Variants in TOX observed in about 807,000 individuals in gnomAD.
TOX encodes the protein thymocyte selection-associated high mobility group box protein TOX.
A neutral mutation model predicts 53.7 loss-of-function variants in TOX; 11 were observed. That is an observed-to-expected ratio of 0.20 (90% CI 0.13 to 0.34). TOX has a LOEUF of 0.34. TOX is among the 10% of genes least tolerant of loss of function. The pLI, the probability that TOX is intolerant of heterozygous loss-of-function variation, is 1.00. For missense variants in TOX, 570 were observed against 664.6 expected (o/e 0.86, Z 1.56); for synonymous variants, 225 against 245.3 (o/e 0.92, Z 0.77).
chr8:59,020,550 C>T (rs2129419362), intron 1 of TOX, among the ~76,000 whole-genome samples: 1 of 152,266 alleles, frequency 6.6e-6, no homozygotes, highest in Admixed American at 6.5e-5. Context: ...TGTCAAAGTC[C>T]TAAAATGCCA....
At chr8:58,958,039 TA>T (rs1273970342) in intron 2 of TOX, among the ~76,000 whole-genome samples, 3 of 152,228 alleles carry the variant, frequency 2.0e-5, no homozygotes, top group African/African-American at 7.2e-5. Flanking sequence ...GTCTAAATTT[TA>T]AAACAGCACA....
intron 3 of TOX, among the ~76,000 whole-genome samples, chr8:58,901,558 A>G (rs1348709119): frequency 1.3e-5 from 2 of 152,150 alleles, no homozygotes; most frequent in African/African-American, 4.8e-5. Flanking sequence ...GTAATTGCAT[A>G]TTCCACTCAT....
chr8:58,812,229 G>T (rs780951950), intron 7 of TOX, among the ~76,000 whole-genome samples: 9 of 152,158 alleles, frequency 5.9e-5, no homozygotes, highest in Non-Finnish European at 1.3e-4. Context: ...ATGTGGAGGG[G>T]TGGTGGACTC....
intron 4 of TOX, among the ~76,000 whole-genome samples, chr8:58,839,085 A>G (rs1486064410): frequency 6.6e-6 from 1 of 152,168 alleles, no homozygotes; most frequent in Non-Finnish European, 1.5e-5. Flanking sequence ...CTTTGTCCCT[A>G]GATCTACGGA....
intron 1 of TOX, among the ~76,000 whole-genome samples, chr8:59,025,212 C>T (rs1008428308): frequency 6.6e-6 from 1 of 152,124 alleles, no homozygotes; most frequent in Non-Finnish European, 1.5e-5. Flanking sequence ...CTAAAGGTCC[C>T]TCTCAGGATG....
In TOX at chr8:58,807,293, A is replaced by T. The variant is rs1488353383; in HGVS notation, c.*454T>A. 1 of 153,208 alleles carries T rather than the reference A, an allele frequency of 6.5e-6. No homozygotes were observed. 9.5% of individuals were successfully genotyped at this position (153,208 alleles called of 1,614,324 possible). On this transcript the variant is annotated 3_prime_UTR_variant, in exon 9 of 9. Transcript: ENST00000361421. Reference sequence around the variant, plus strand: ...TCAATTACAATTTAGCTACAAAAACATTCACATTTTATACTCTAGGAGAGT... The same window carrying T: ...TCAATTACAATTTAGCTACAAAAACTTTCACATTTTATACTCTAGGAGAGT...
chr8:58,849,419 A>G (rs1204451120), intron 4 of TOX, among the ~76,000 whole-genome samples: 1 of 152,198 alleles, frequency 6.6e-6, no homozygotes, highest in Admixed American at 6.5e-5. Context: ...ATGAAGCGTT[A>G]TAAATTATTT....
At chr8:58,937,828 G>A (rs911522312) in intron 3 of TOX, among the ~76,000 whole-genome samples, 4 of 151,910 alleles carry the variant, frequency 2.6e-5, no homozygotes, top group Non-Finnish European at 5.9e-5. Context: ...GGTCCCTACA[G>A]AGGCATGACC....
intron 4 of TOX, among the ~76,000 whole-genome samples, chr8:58,843,039 G>A (rs190336286): frequency 2.8e-4 from 43 of 152,298 alleles, no homozygotes; most frequent in African/African-American, 1.0e-3. Context: ...ATATCTGATT[G>A]AGTACCTGAG....
chr8:58,911,061 C>T (rs1425827304), intron 3 of TOX, among the ~76,000 whole-genome samples: 2 of 150,660 alleles, frequency 1.3e-5, no homozygotes, highest in African/African-American at 2.4e-5. Flanking sequence ...TTTTTTCCTT[C>T]GGAGAAGCTT....
chr8:58,886,403 G>A (rs1001660051), intron 3 of TOX, among the ~76,000 whole-genome samples: 2 of 152,114 alleles, frequency 1.3e-5, no homozygotes, highest in African/African-American at 4.8e-5. Context: ...AGCTGCATCA[G>A]AAGGGAAACT....
At chr8:58,841,034 C>T (rs1467091359) in intron 4 of TOX, among the ~76,000 whole-genome samples, 1 of 152,186 alleles carries the variant, frequency 6.6e-6, no homozygotes, top group African/African-American at 2.4e-5. Flanking sequence ...GCAGTAAACT[C>T]CCTTCTCTTG....
chr8:58,890,905 C>A (rs1431685408), intron 3 of TOX, among the ~76,000 whole-genome samples: 1 of 152,058 alleles, frequency 6.6e-6, no homozygotes, highest in East Asian at 1.9e-4. Context: ...TTAAGACTGG[C>A]AGATGAGGTG....
At chr8:58,864,303 C>T (rs1811060310) in intron 3 of TOX, among the ~76,000 whole-genome samples, 1 of 152,046 alleles carries the variant, frequency 6.6e-6, no homozygotes, top group South Asian at 2.1e-4. Flanking sequence ...AGTGTATTGT[C>T]CTGTAAGTCT....
At chr8:59,035,351 A>T (rs999905288) in intron 1 of TOX, among the ~76,000 whole-genome samples, 2 of 152,170 alleles carry the variant, frequency 1.3e-5, no homozygotes, top group Non-Finnish European at 2.9e-5. Flanking sequence ...TAATTCCCAA[A>T]TTATGTCTAC....
intron 1 of TOX, among the ~76,000 whole-genome samples, chr8:58,970,498 G>A (rs1812981878): frequency 6.6e-6 from 1 of 152,168 alleles, no homozygotes. Context: ...TGAATAACAT[G>A]CAGAAACTTG....
At chr8:59,109,318 T>A (rs1337474747) in intron 1 of TOX, among the ~76,000 whole-genome samples, 1 of 152,176 alleles carries the variant, frequency 6.6e-6, no homozygotes. Context: ...AAGATTACTA[T>A]GAATATATAT....
At chr8:59,095,127 G>A (rs913339308) in intron 1 of TOX, among the ~76,000 whole-genome samples, 6 of 152,184 alleles carry the variant, frequency 3.9e-5, no homozygotes, top group East Asian at 3.9e-4. Flanking sequence ...GATCATATTC[G>A]TATCATTCAT....
chr8:58,868,563 C>CG (rs1554525526), intron 3 of TOX, among the ~76,000 whole-genome samples: 2 of 151,806 alleles, frequency 1.3e-5, no homozygotes, highest in Non-Finnish European at 2.9e-5. Flanking sequence ...AAATCTGGGT[C>CG]AAACTTTCCT....
Sources: gnomAD v4.1 joint callset for allele counts (sites outside exome capture counted in the v4.1 genomes callset) on GRCh38, gnomAD v4.1.1 for gene constraint, MANE v1.5 for transcripts, NCBI Gene and HGNC (gene_info 2026-07-23, HGNC 2026-07-21) for gene names.